The following ADAM12 variants were observed in gnomAD, a reference collection of about 807,000 sequenced individuals.
ADAM12 encodes the protein ADAM metallopeptidase domain 12, also known as disintegrin and metalloproteinase domain-containing protein 12.
Under a neutral mutation model 106.4 loss-of-function variants are expected in ADAM12, and 70 were observed. The observed-to-expected ratio is 0.66, with a 90% CI of 0.54 to 0.80. The LOEUF (loss-of-function observed/expected upper bound fraction) is 0.80. Ranked by LOEUF, ADAM12 falls within the 30% of genes least tolerant of loss-of-function variation. The pLI, the probability that ADAM12 is intolerant of heterozygous loss-of-function variation, is 0.00. For missense variants in ADAM12, 1,010 were observed against 1,171.9 expected, an observed-to-expected ratio of 0.86 and a Z score of 2.02; for synonymous variants, 420 against 433.5, an observed-to-expected ratio of 0.97 and a Z score of 0.39.
chr10:126,072,758 A>G (rs1404769496), intron 11 of ADAM12, among the ~76,000 whole-genome samples: 2 of 152,236 alleles, frequency 1.3e-5, no homozygotes, highest in East Asian at 1.9e-4. Flanking sequence ...TTATTAAGGT[A>G]TAAGCATGCC....
At chr10:126,295,572 T>C (rs998226598) in intron 2 of ADAM12, among the ~76,000 whole-genome samples, 4 of 69,826 alleles carry the variant, frequency 5.7e-5, no homozygotes, top group African/African-American at 1.5e-4. Context: ...CACACACACA[T>C]CTCTGTTCTC....
chr10:126,067,096 G>A (rs565432915), intron 12 of ADAM12: 9 of 397,776 alleles, frequency 2.3e-5, no homozygotes, highest in African/African-American at 1.4e-4. Flanking sequence ...CTAGTCAGCA[G>A]TACACTGGGG....
At chr10:126,212,414 G>A (rs1030963649) in intron 3 of ADAM12, among the ~76,000 whole-genome samples, 1 of 152,198 alleles carries the variant, frequency 6.6e-6, no homozygotes, top group Non-Finnish European at 1.5e-5. Flanking sequence ...TATTCTAAAT[G>A]TATCCTGCCC....
At chr10:126,346,097 C>T (rs1334358782) in intron 1 of ADAM12, among the ~76,000 whole-genome samples, 1 of 152,128 alleles carries the variant, frequency 6.6e-6, no homozygotes, top group Non-Finnish European at 1.5e-5. Flanking sequence ...TTCTCTAGTT[C>T]TTTTAAATGT....
intron 2 of ADAM12, among the ~76,000 whole-genome samples, chr10:126,280,335 A>G (rs1224833523): frequency 2.0e-5 from 3 of 152,164 alleles, no homozygotes; most frequent in Non-Finnish European, 4.4e-5. Flanking sequence ...AGCCCTTTGC[A>G]TATCTTCTTC....
chr10:126,176,800 AG>A (rs1957227015), intron 3 of ADAM12, among the ~76,000 whole-genome samples: 1 of 152,216 alleles, frequency 6.6e-6, no homozygotes, highest in Non-Finnish European at 1.5e-5. Context: ...GTTAAATGTC[AG>A]GTGACTCTTC....
intron 11 of ADAM12, among the ~76,000 whole-genome samples, chr10:126,086,855 G>A (rs1368800251): frequency 6.7e-6 from 1 of 149,802 alleles, no homozygotes; most frequent in Admixed American, 6.7e-5. Flanking sequence ...CCAACATGGT[G>A]AAACCCTGTC....
At chr10:126,248,306 C>T (rs113336916) in intron 3 of ADAM12, among the ~76,000 whole-genome samples, 1 of 152,202 alleles carries the variant, frequency 6.6e-6, no homozygotes, top group East Asian at 1.9e-4. Context: ...CTTGCAAGGC[C>T]CCCGCCCCTG....
At position 126,023,906 on chromosome 10, in the gene ADAM12, T is replaced by TG. The variant is rs1452599847; in HGVS notation, c.2530-4082dup. On this transcript the variant is annotated intron_variant, in intron 21 of 22. Transcript: ENST00000448723. ...ACTATAATTTAAAAAAGTGAACTCATGGAAAAAAAAAAAAAAGCATACAGG... is the reference window on the plus strand; with the variant it reads ...ACTATAATTTAAAAAAGTGAACTCATGGGAAAAAAAAAAAAAAGCATACAGG... Among the ~76,000 whole-genome samples, 627 of 107,704 alleles carry TG rather than the reference T, an allele frequency of 5.8e-3. 11 individuals carry two copies. Among genetic ancestry groups the TG allele is most frequent in the African/African-American group, 0.022 (593 of 26,404 alleles). 70.7% of individuals were successfully genotyped at this position (107,704 alleles called of 152,430 possible). A position where few individuals can be genotyped will look rare whatever the true frequency, so the allele number is the denominator to read the frequency against.
intron 20 of ADAM12, among the ~76,000 whole-genome samples, chr10:126,036,909 A>ATAAAG (rs1954070220): frequency 1.3e-5 from 2 of 152,162 alleles, no homozygotes; most frequent in Admixed American, 1.3e-4. Context: ...TATAGTTGAC[A>ATAAAG]TAAAGTATAC....
intron 3 of ADAM12, among the ~76,000 whole-genome samples, chr10:126,195,674 GAT>G (rs1412501234): frequency 3.3e-5 from 5 of 152,006 alleles, no homozygotes. Context: ...ACATGTATAT[GAT>G]ATATATGATT....
intron 1 of ADAM12, among the ~76,000 whole-genome samples, chr10:126,342,597 G>A (rs1456204974): frequency 1.3e-5 from 2 of 152,080 alleles, no homozygotes; most frequent in African/African-American, 4.8e-5. Context: ...GTTCATTTTA[G>A]GAACTTCTAA....
chr10:126,196,482 C>T (rs1464095207), intron 3 of ADAM12, among the ~76,000 whole-genome samples: 2 of 152,162 alleles, frequency 1.3e-5, no homozygotes. Flanking sequence ...CTTTAACTTT[C>T]TGAAGTTTGT....
At chr10:126,361,227 T>C (rs1000488853) in intron 1 of ADAM12, among the ~76,000 whole-genome samples, 1 of 152,118 alleles carries the variant, frequency 6.6e-6, no homozygotes, top group Non-Finnish European at 1.5e-5. Context: ...GAAATAAATT[T>C]AAGCAAGGAG....
At chr10:126,295,817 A>G (rs892529717) in intron 2 of ADAM12, among the ~76,000 whole-genome samples, 1 of 152,148 alleles carries the variant, frequency 6.6e-6, no homozygotes, top group African/African-American at 2.4e-5. Flanking sequence ...AATGTAAAGT[A>G]GAGAGAAGGC....
chr10:126,025,477 C>CA (rs1412439958), intron 21 of ADAM12, among the ~76,000 whole-genome samples: 1 of 151,776 alleles, frequency 6.6e-6, no homozygotes, highest in Non-Finnish European at 1.5e-5. Flanking sequence ...GATGGGCAGA[C>CA]AAGAATAGAG....
At chr10:126,310,937 C>T (rs1961057529) in intron 2 of ADAM12, among the ~76,000 whole-genome samples, 1 of 152,058 alleles carries the variant, frequency 6.6e-6, no homozygotes, top group Non-Finnish European at 1.5e-5. Flanking sequence ...CCCTAAGGAG[C>T]AGGAAAGAAG....
intron 1 of ADAM12, among the ~76,000 whole-genome samples, chr10:126,335,466 A>AT (rs760824492): frequency 8.5e-5 from 13 of 152,138 alleles, no homozygotes; most frequent in Non-Finnish European, 1.6e-4. Context: ...TGATGAAGCA[A>AT]TTTTTTTAGC....
chr10:126,029,664 C>T (rs182549289), intron 21 of ADAM12, among the ~76,000 whole-genome samples: 6 of 152,192 alleles, frequency 3.9e-5, no homozygotes, highest in South Asian at 2.1e-4. Context: ...ACATGTTTAC[C>T]GATGTAACAA....
Sources: gnomAD v4.1 joint callset for allele counts (sites outside exome capture counted in the v4.1 genomes callset) on GRCh38, gnomAD v4.1.1 for gene constraint, MANE v1.5 for transcripts, NCBI Gene and HGNC (gene_info 2026-07-23, HGNC 2026-07-21) for gene names.